The following RNF10 variants were observed in gnomAD, a reference collection of about 807,000 sequenced individuals.
RNF10 encodes ring finger protein 10, also known as E3 ubiquitin-protein ligase RNF10.
Under a neutral mutation model 91.4 loss-of-function variants are expected in RNF10, and 38 were observed. The observed-to-expected ratio is 0.42, with a 90% CI of 0.32 to 0.54. The LOEUF (loss-of-function observed/expected upper bound fraction) is 0.54, where lower values mean the gene tolerates loss of function less well. RNF10 is among the 20% of genes least tolerant of loss of function. The pLI is 0.16. For synonymous variants in RNF10, 364 were observed against 366.3 expected (o/e 0.99, Z 0.07); for missense variants, 945 against 1,012.0 (o/e 0.93, Z 0.90).
chr12:120,566,852 A>G lies in RNF10; in HGVS notation c.1913A>G (p.Asn638Ser). The change falls in exon 13 of 17, where the codon AAT (asparagine) becomes AGT (serine). Residue 638 changes from asparagine to serine, a missense_variant. Physicochemically the swap from Asn to Ser is conservative, Grantham distance 46. Transcript: ENST00000325954. Reference sequence around the variant, plus strand: ...CCAGAAGTCCACATTCCCCTCGAGAATCTACAGCAGTTTCCTGCCTTCAAT... The same window carrying G: ...CCAGAAGTCCACATTCCCCTCGAGAGTCTACAGCAGTTTCCTGCCTTCAAT... Reference protein sequence around the residue: ...KYPEVHIPLENLQQFPAFNSY... With the variant: ...KYPEVHIPLESLQQFPAFNSY... 1 of 1,613,684 alleles carries G rather than the reference A, an allele frequency of 6.2e-7. No individual in the cohort carries two copies.
rs143719101 is a variant in RNF10, at chr12:120,566,815, T to G, written c.1886-10T>G. On this transcript the variant is annotated splice_polypyrimidine_tract_variant and intron_variant, in intron 12 of 16. Transcript: ENST00000325954. Reference sequence around the variant, plus strand: ...TAAATGGGTTTACAAGGGTTATCTTTCCTTTGCAGACCCAGAAGTCCACAT... The same window carrying G: ...TAAATGGGTTTACAAGGGTTATCTTGCCTTTGCAGACCCAGAAGTCCACAT... 553 of 1,609,068 alleles carry G rather than the reference T, an allele frequency of 3.4e-4. 8 individuals are homozygous for G. In the East Asian group the frequency reaches 0.012, roughly 35 times the overall value.
chr12:120,572,609 T>A (rs1876807478), intron 14 of RNF10, among the ~76,000 whole-genome samples: 1 of 151,744 alleles, frequency 6.6e-6, no homozygotes, highest in Non-Finnish European at 1.5e-5. Flanking sequence ...TTTTGTTTTG[T>A]TTTGAGTTGA....
In RNF10 at chr12:120,552,601, C is replaced by G. The variant is rs760823520; in HGVS notation, c.457C>G (p.Gln153Glu). The stretch of plus-strand genomic sequence containing the variant: ...GAATTTCACTTTTGAACCCCGTGGC[C>G]AGACGGGTCACTTTGAAGGCAGTGG... ...LLNFTFEPRG[Q>E]TGHFEGSGHG... The change falls in exon 3 of 17, where the codon CAG becomes GAG. Residue 153 changes from glutamine (Q) to glutamate (E), a missense_variant. Transcript: ENST00000325954. 1 of 1,614,136 alleles carries G rather than the reference C, an allele frequency of 6.2e-7. No individual in the cohort carries two copies. The highest frequency in any genetic ancestry group is 8.5e-7 in the Non-Finnish European group (1 of 1,180,014).
intron 3 of RNF10, 178 bp from the exon 4 acceptor site, chr12:120,554,540 T>C (rs1284878852): frequency 3.5e-6 from 2 of 573,658 alleles, no homozygotes; most frequent in Non-Finnish European, 6.3e-6. Context: ...TGCTGAGTCT[T>C]TGGGTTCTTT....
chr12:120,557,191 G>C (rs1260773829), intron 4 of RNF10, 91 bp from the exon 5 acceptor site: 4 of 1,085,894 alleles, frequency 3.7e-6, no homozygotes, highest in Non-Finnish European at 5.5e-6. Context: ...AGATGAGAGA[G>C]ATGCGGATGA....
At chr12:120,559,532 G>A (rs1295566199) in intron 6 of RNF10, among the ~76,000 whole-genome samples, 2 of 151,714 alleles carry the variant, frequency 1.3e-5, no homozygotes, top group African/African-American at 2.4e-5. Context: ...TTACAGGCAC[G>A]CACCACCACA....
At chr12:120,544,837 G>A (rs1166550522) in intron 1 of RNF10, among the ~76,000 whole-genome samples, 1 of 151,998 alleles carries the variant, frequency 6.6e-6, no homozygotes, top group Admixed American at 6.6e-5. Context: ...GACTCCCAAT[G>A]GTATTATATT....
chr12:120,555,965 TTTCA>T (rs1242516480), intron 4 of RNF10, among the ~76,000 whole-genome samples: 2 of 151,858 alleles, frequency 1.3e-5, no homozygotes, highest in Non-Finnish European at 2.9e-5. Flanking sequence ...ATTTTTGTAT[TTTCA>T]TTAGAGACGG....
At chr12:120,572,393 C>T (rs1024791347) in intron 14 of RNF10, among the ~76,000 whole-genome samples, 5 of 151,716 alleles carry the variant, frequency 3.3e-5, no homozygotes, top group African/African-American at 9.7e-5. Context: ...GCAGTTGATA[C>T]GGATCTTTCT....
At chr12:120,544,454 T>G (rs1206847362) in intron 1 of RNF10, among the ~76,000 whole-genome samples, 1 of 151,620 alleles carries the variant, frequency 6.6e-6, no homozygotes, top group Admixed American at 6.6e-5. Context: ...CTCTGGAGTT[T>G]AAGACCAGCC....
intron 2 of RNF10, among the ~76,000 whole-genome samples, chr12:120,548,983 A>G (rs1872681404): frequency 6.6e-6 from 1 of 151,936 alleles, no homozygotes; most frequent in Non-Finnish European, 1.5e-5. Context: ...GGATTTTAAG[A>G]TTAGGGAAAT....
chr12:120,552,426 GT>G (rs1233108521), intron 2 of RNF10, 72 bp from the exon 3 acceptor site: 159 of 1,312,766 alleles, frequency 1.2e-4, no homozygotes, highest in Middle Eastern at 2.0e-4. Flanking sequence ...TAAAAGGAGG[GT>G]TTTTTTTGGG....
At chr12:120,550,349 C>T (rs985332949) in intron 2 of RNF10, among the ~76,000 whole-genome samples, 1 of 151,902 alleles carries the variant, frequency 6.6e-6, no homozygotes, top group African/African-American at 2.4e-5. Flanking sequence ...GTATGAGTGG[C>T]GTCAGAGAAA....
intron 1 of RNF10, among the ~76,000 whole-genome samples, chr12:120,536,785 T>A (rs776885129): frequency 1.3e-5 from 2 of 152,212 alleles, no homozygotes; most frequent in African/African-American, 2.4e-5. Flanking sequence ...CAACTGTGAA[T>A]TCTCAACTAA....
chr12:120,559,176 CTTTTTTTTTTTTTTTTTT>C (rs34120761), intron 6 of RNF10, among the ~76,000 whole-genome samples: 1 of 95,808 alleles, frequency 1.0e-5, no homozygotes, highest in Non-Finnish European at 1.9e-5. Flanking sequence ...TTGAACTACT[CTTTTTTTTTTTTTTTTTT>C]TTTTTGAGAC....
chr12:120,535,028 T>C (rs1318801716), intron 1 of RNF10, 60 bp downstream of exon 1: 3 of 1,494,156 alleles, frequency 2.0e-6, no homozygotes, highest in Non-Finnish European at 2.7e-6. Context: ...GGGAGAGTCG[T>C]TGCTCTCATC....
chr12:120,544,769 ATCTG>A (rs1872062690), intron 1 of RNF10, among the ~76,000 whole-genome samples: 1 of 152,238 alleles, frequency 6.6e-6, no homozygotes, highest in Admixed American at 6.5e-5. Context: ...ACCATATTTT[ATCTG>A]TCAGTTCCAC....
rs1464176329 is a variant in RNF10, at chr12:120,577,019, C to T, written c.*353C>T. ...ATTAGAGCAGTCCAACCCAGAATGGCACACACTGCTCTGCTGTAGCATCAT... is the reference window on the plus strand; with the variant it reads ...ATTAGAGCAGTCCAACCCAGAATGGTACACACTGCTCTGCTGTAGCATCAT... On this transcript the variant is annotated 3_prime_UTR_variant, in exon 17 of 17. Transcript: ENST00000325954. 8.1e-6 allele frequency: 3 copies of T among 371,272 alleles called. No individual in the cohort carries two copies. Among genetic ancestry groups the T allele is most frequent in the African/African-American group, 6.4e-5 (3 of 46,880 alleles). The allele number at this position is 371,272 out of a possible 1,614,324, so 23.0% of individuals were successfully genotyped here.
intron 1 of RNF10, among the ~76,000 whole-genome samples, chr12:120,539,658 G>C: frequency 6.6e-6 from 1 of 152,144 alleles, no homozygotes; most frequent in East Asian, 1.9e-4. Flanking sequence ...ACTGCTACTT[G>C]GTGGAGACCT....
Sources: gnomAD v4.1 joint callset for allele counts (sites outside exome capture counted in the v4.1 genomes callset) on GRCh38, gnomAD v4.1.1 for gene constraint, MANE v1.5 for transcripts, NCBI Gene and HGNC (gene_info 2026-07-23, HGNC 2026-07-21) for gene names.